Variants in LRIG1 observed in about 807,000 individuals in gnomAD.
The protein encoded by LRIG1 is leucine-rich repeats and immunoglobulin-like domains protein 1.
LRIG1 carries 48 observed loss-of-function variants against 99.2 expected under a neutral mutation model. That is an observed-to-expected ratio of 0.48 (90% confidence interval 0.38 to 0.62). LRIG1 has a LOEUF of 0.62. LRIG1 is among the 20% of genes least tolerant of loss of function. The pLI is 0.00. For synonymous variants in LRIG1, 772 were observed against 596.1 expected, an observed-to-expected ratio of 1.29 and a Z score of -4.30; for missense variants, 1,646 against 1,434.4, an observed-to-expected ratio of 1.15 and a Z score of -2.38.
chr3:66,403,136 G>A (rs938182275), intron 9 of LRIG1, among the ~76,000 whole-genome samples: 7 of 152,126 alleles, frequency 4.6e-5, no homozygotes, highest in South Asian at 4.2e-4. Flanking sequence ...ATCCTCCTCC[G>A]GTCGTGCCAA....
chr3:66,462,425 G>A lies in LRIG1; in HGVS notation c.290+13C>T. The A allele has an allele frequency of 6.2e-7, 1 of 1,604,584 alleles. No individual in the cohort carries two copies. Among genetic ancestry groups the A allele is most frequent in the Non-Finnish European group, 8.5e-7 (1 of 1,172,618 alleles). On this transcript the variant is annotated intron_variant, in intron 2 of 18. Transcript: ENST00000273261. Reference sequence around the variant, plus strand: ...CATCCTTCCATCCACCAGAGGTTTAGGGGGAGACTCACACTTCCTGTAGGT... The same window carrying A: ...CATCCTTCCATCCACCAGAGGTTTAAGGGGAGACTCACACTTCCTGTAGGT...
At chr3:66,433,842 C>A (rs893818564) in intron 3 of LRIG1, among the ~76,000 whole-genome samples, 3 of 152,240 alleles carry the variant, frequency 2.0e-5, no homozygotes, top group Admixed American at 6.5e-5. Flanking sequence ...CCATCTCAAC[C>A]CGTGCCTTGT....
intron 6 of LRIG1, among the ~76,000 whole-genome samples, chr3:66,410,843 C>T (rs1287734158): frequency 6.6e-6 from 1 of 152,190 alleles, no homozygotes; most frequent in Non-Finnish European, 1.5e-5. Flanking sequence ...GGTAACCTGT[C>T]TAAGACTTTA....
At chr3:66,386,564 C>T in intron 12 of LRIG1, 2 of 424,904 alleles carry the variant, frequency 4.7e-6, no homozygotes, top group South Asian at 3.2e-5. Context: ...TCTCAGTTCT[C>T]AAACCAGCCA....
At chr3:66,443,840 A>C (rs1703627786) in intron 3 of LRIG1, among the ~76,000 whole-genome samples, 1 of 152,138 alleles carries the variant, frequency 6.6e-6, no homozygotes, top group African/African-American at 2.4e-5. Context: ...CCACATTTTC[A>C]TCTCTTTTGC....
chr3:66,425,170 G>C (rs1702938790), intron 3 of LRIG1, among the ~76,000 whole-genome samples: 1 of 152,224 alleles, frequency 6.6e-6, no homozygotes, highest in African/African-American at 2.4e-5. Flanking sequence ...GCCCAGGGAA[G>C]CATGACCCTA....
At chr3:66,433,254 A>C (rs918376064) in intron 3 of LRIG1, among the ~76,000 whole-genome samples, 2 of 152,208 alleles carry the variant, frequency 1.3e-5, no homozygotes, top group African/African-American at 4.8e-5. Flanking sequence ...CAGCTAACCA[A>C]GATGCAAGCA....
At chr3:66,434,680 G>C (rs1232614734) in intron 3 of LRIG1, among the ~76,000 whole-genome samples, 3 of 150,814 alleles carry the variant, frequency 2.0e-5, no homozygotes, top group African/African-American at 7.3e-5. Context: ...CCAGGAGGCA[G>C]AGGTTGCAGT....
intron 1 of LRIG1, among the ~76,000 whole-genome samples, chr3:66,472,519 C>T (rs1204281648): frequency 1.3e-5 from 2 of 152,088 alleles, no homozygotes; most frequent in Non-Finnish European, 2.9e-5. Flanking sequence ...ATTTTACACA[C>T]TACACGCTCA....
chr3:66,476,941 C>A (rs1018489604), intron 1 of LRIG1, among the ~76,000 whole-genome samples: 2 of 152,188 alleles, frequency 1.3e-5, no homozygotes, highest in African/African-American at 4.8e-5. Flanking sequence ...GTGATGGCAA[C>A]TGATGCACTG....
intron 3 of LRIG1, among the ~76,000 whole-genome samples, chr3:66,435,760 G>A (rs1048640586): frequency 2.1e-5 from 3 of 143,446 alleles, no homozygotes; most frequent in Non-Finnish European, 3.1e-5. Flanking sequence ...TTAAGGGTAC[G>A]TGAGGGATCT....
At position 66,429,556 on chromosome 3, in the gene LRIG1, G is replaced by A. The variant is rs539124371; in HGVS notation, c.366-12290C>T. The stretch of plus-strand genomic sequence containing the variant: ...AGACAGTAACAATATTTAACTGCCA[G>A]AGGCTGGGTAGAGAGAGATGAGCAG... On this transcript the variant is annotated intron_variant, in intron 3 of 18. Coordinates refer to ENST00000273261, the MANE Select transcript of LRIG1 (RefSeq NM_015541.3). Among the ~76,000 whole-genome samples, 7 of 152,348 alleles carry A rather than the reference G, an allele frequency of 4.6e-5. No individual in the cohort carries two copies. The South Asian group carries it at 8.3e-4, about 18-fold the overall frequency.
chr3:66,411,241 C>T (rs1702454061), intron 6 of LRIG1, among the ~76,000 whole-genome samples: 1 of 152,192 alleles, frequency 6.6e-6, no homozygotes, highest in Non-Finnish European at 1.5e-5. Context: ...AATTTTGCTC[C>T]GTGTTCAGTA....
At chr3:66,446,238 AC>A (rs1164004100) in intron 3 of LRIG1, among the ~76,000 whole-genome samples, 1 of 151,488 alleles carries the variant, frequency 6.6e-6, no homozygotes, top group East Asian at 1.9e-4. Context: ...CTCCAACCCC[AC>A]CCAGGGCTTC....
intron 2 of LRIG1, among the ~76,000 whole-genome samples, chr3:66,454,457 A>G (rs1388869628): frequency 1.3e-5 from 2 of 152,102 alleles, no homozygotes; most frequent in East Asian, 3.9e-4. Flanking sequence ...GCCTGATGAA[A>G]TTTTTTTAAA....
At chr3:66,440,196 C>T (rs1244589725) in intron 3 of LRIG1, among the ~76,000 whole-genome samples, 1 of 152,118 alleles carries the variant, frequency 6.6e-6, no homozygotes, top group Non-Finnish European at 1.5e-5. Flanking sequence ...TAAAAAACCA[C>T]CACAACGCCT....
At chr3:66,403,980 C>T (rs1702164394) in intron 9 of LRIG1, among the ~76,000 whole-genome samples, 1 of 152,160 alleles carries the variant, frequency 6.6e-6, no homozygotes, top group Non-Finnish European at 1.5e-5. Flanking sequence ...CAGGTTTGCC[C>T]CGTATGGGAT....
At chr3:66,481,968 C>G (rs1700862245) in intron 1 of LRIG1, among the ~76,000 whole-genome samples, 1 of 152,258 alleles carries the variant, frequency 6.6e-6, no homozygotes, top group African/African-American at 2.4e-5. Flanking sequence ...AGAAAAACCA[C>G]ATAAATTTGT....
At chr3:66,463,747 G>A (rs1700408887) in intron 1 of LRIG1, among the ~76,000 whole-genome samples, 1 of 152,214 alleles carries the variant, frequency 6.6e-6, no homozygotes, top group Non-Finnish European at 1.5e-5. Context: ...TTTAAAGTCT[G>A]TCTCAGAAAG....
Sources: allele counts gnomAD v4.1 joint callset (sites outside exome capture counted in the v4.1 genomes callset), GRCh38; gene constraint gnomAD v4.1.1; transcripts MANE v1.5; gene names NCBI Gene and HGNC (gene_info 2026-07-23, HGNC 2026-07-21).